CARMIL1: variants seen among roughly 807,000 people sequenced by gnomAD.
CARMIL1 encodes capping protein regulator and myosin 1 linker 1, also known as F-actin-uncapping protein LRRC16A.
A neutral mutation model predicts 177.1 loss-of-function variants in CARMIL1; 90 were observed. The ratio of observed to expected loss-of-function variants is 0.51; its 90% CI spans 0.43 to 0.61. The LOEUF is 0.61. Among genes scored for constraint, CARMIL1 ranks in the 20% least tolerant of loss-of-function variants. CARMIL1 has a pLI of 0.00. For missense variants in CARMIL1, 1,380 were observed against 1,667.0 expected (o/e 0.83, Z 3.00); for synonymous variants, 577 against 606.2 (o/e 0.95, Z 0.71).
intron 2 of CARMIL1, among the ~76,000 whole-genome samples, chr6:25,362,149 T>A (rs1364191776): frequency 1.3e-5 from 2 of 152,172 alleles, no homozygotes; most frequent in African/African-American, 4.8e-5. Context: ...CAGCTCCCCC[T>A]CAGGCCAGAT....
chr6:25,522,587 T>C (rs1224244767), intron 23 of CARMIL1, among the ~76,000 whole-genome samples: 1 of 152,220 alleles, frequency 6.6e-6, no homozygotes, highest in Non-Finnish European at 1.5e-5. Flanking sequence ...AAGTGTCGGC[T>C]CATCCAGGAA....
intron 2 of CARMIL1, among the ~76,000 whole-genome samples, chr6:25,364,549 A>G (rs149282850): frequency 7.2e-4 from 109 of 150,786 alleles, no homozygotes; most frequent in African/African-American, 2.6e-3. Context: ...GCAATCCTAT[A>G]TGGATTCTTT....
intron 16 of CARMIL1, among the ~76,000 whole-genome samples, chr6:25,497,627 A>C (rs184587243): frequency 6.6e-6 from 1 of 152,198 alleles, no homozygotes; most frequent in Admixed American, 6.5e-5. Context: ...TCATGGGCTC[A>C]GCAGTGTTCC....
chr6:25,544,416 G>A (rs1809224601), intron 26 of CARMIL1, among the ~76,000 whole-genome samples: 1 of 151,886 alleles, frequency 6.6e-6, no homozygotes, highest in African/African-American at 2.4e-5. Flanking sequence ...AAAAAAGACC[G>A]ATATTAACAC....
chr6:25,319,410 C>A (rs1784514734), intron 2 of CARMIL1, among the ~76,000 whole-genome samples: 1 of 152,016 alleles, frequency 6.6e-6, no homozygotes, highest in Admixed American at 6.6e-5. Context: ...AGCATGCATT[C>A]TTCTAAGCCA....
chr6:25,286,804 A>C (rs1028613111), intron 2 of CARMIL1, among the ~76,000 whole-genome samples: 3 of 152,250 alleles, frequency 2.0e-5, no homozygotes, highest in Admixed American at 6.5e-5. Flanking sequence ...CCATGTTAAA[A>C]TTTCAAAGAC....
At chr6:25,309,354 C>CAAA (rs70975001) in intron 2 of CARMIL1, among the ~76,000 whole-genome samples, 7 of 85,664 alleles carry the variant, frequency 8.2e-5, no homozygotes, top group African/African-American at 1.4e-4. Context: ...GAGTCCCTCT[C>CAAA]AAAAAAAAAA....
At chr6:25,457,413 GT>G (rs1175916598) in intron 8 of CARMIL1, among the ~76,000 whole-genome samples, 1 of 152,130 alleles carries the variant, frequency 6.6e-6, no homozygotes, top group Non-Finnish European at 1.5e-5. Flanking sequence ...TCTGGGAACT[GT>G]TTTAGGTATT....
chr6:25,458,419 C>T (rs371246512), intron 8 of CARMIL1, among the ~76,000 whole-genome samples: 1 of 128,846 alleles, frequency 7.8e-6, no homozygotes, highest in Non-Finnish European at 1.6e-5. Flanking sequence ...AATCGGGTGG[C>T]GAGGTTGCAG....
At chr6:25,368,591 G>GA (rs1010323171) in intron 2 of CARMIL1, among the ~76,000 whole-genome samples, 16 of 152,274 alleles carry the variant, frequency 1.1e-4, no homozygotes, top group African/African-American at 3.1e-4. Flanking sequence ...TAGAACCCCA[G>GA]ATGATTATGA....
chr6:25,310,620 T>A (rs977748040), intron 2 of CARMIL1, among the ~76,000 whole-genome samples: 1 of 152,224 alleles, frequency 6.6e-6, no homozygotes, highest in Non-Finnish European at 1.5e-5. Context: ...GCCACTGCTC[T>A]AGGGATTTTT....
intron 1 of CARMIL1, among the ~76,000 whole-genome samples, chr6:25,280,089 C>T (rs1440293963): frequency 1.3e-5 from 2 of 152,176 alleles, no homozygotes; most frequent in African/African-American, 4.8e-5. Flanking sequence ...AGGGTCTCGA[C>T]TGTGAGCCCT....
chr6:25,506,113 T>C (rs889747129), intron 17 of CARMIL1, among the ~76,000 whole-genome samples: 42 of 152,246 alleles, frequency 2.8e-4, no homozygotes, highest in African/African-American at 9.4e-4. Flanking sequence ...TCAACCAACC[T>C]TGAGGCAAGC....
At chr6:25,438,695 G>A (rs1002519767) in intron 5 of CARMIL1, among the ~76,000 whole-genome samples, 3 of 152,194 alleles carry the variant, frequency 2.0e-5, no homozygotes, top group African/African-American at 7.2e-5. Context: ...AAGGGATGAG[G>A]AATGATTCAA....
intron 8 of CARMIL1, among the ~76,000 whole-genome samples, chr6:25,453,193 G>T (rs934625339): frequency 1.1e-4 from 16 of 151,340 alleles, no homozygotes; most frequent in Admixed American, 1.1e-3. Flanking sequence ...CATAGTAGCA[G>T]ACAAAAGTTT....
chr6:25,575,056 T>A (rs1812460423), intron 29 of CARMIL1, among the ~76,000 whole-genome samples: 1 of 152,224 alleles, frequency 6.6e-6, no homozygotes. Flanking sequence ...CAATTTATTT[T>A]ACAAACTAGA....
chr6:25,472,467 C>A lies in CARMIL1; in HGVS notation c.820C>A (p.Pro274Thr), dbSNP rs1446852366. 1 of 1,583,520 alleles carries A rather than the reference C, an allele frequency of 6.3e-7. No homozygotes were observed. The highest frequency in any genetic ancestry group is 1.8e-5 in the Admixed American group (1 of 55,750). The change falls in exon 11 of 37, where the codon CCC becomes ACC. Residue 274 changes from proline to threonine, a missense_variant. Pro to Thr is a conservative substitution (Grantham distance 38). Coordinates refer to ENST00000329474, the MANE Select transcript of CARMIL1 (RefSeq NM_017640.6). ...QKLASALAHN[P>T]NSGLHTINLA... ...ACTGGCCAGTGCTCTAGCACATAAT[C>A]CCAACTCAGGACTCCACACAATTAA...
At chr6:25,332,881 G>A (rs954573828) in intron 2 of CARMIL1, among the ~76,000 whole-genome samples, 6 of 152,042 alleles carry the variant, frequency 3.9e-5, no homozygotes, top group African/African-American at 7.3e-5. Context: ...TGATACTTCC[G>A]TGCCTGCTGG....
intron 3 of CARMIL1, among the ~76,000 whole-genome samples, chr6:25,420,852 T>C (rs762696443): frequency 3.3e-5 from 5 of 152,250 alleles, no homozygotes; most frequent in African/African-American, 4.8e-5. Flanking sequence ...TTATCATTTT[T>C]ATATGATATT....
Sources: gnomAD v4.1 joint callset for allele counts (sites outside exome capture counted in the v4.1 genomes callset) on GRCh38, gnomAD v4.1.1 for gene constraint, MANE v1.5 for transcripts, NCBI Gene and HGNC (gene_info 2026-07-23, HGNC 2026-07-21) for gene names.